Variants in CIT observed in about 807,000 individuals in gnomAD.
The protein encoded by CIT is citron rho-interacting serine/threonine kinase, also known as citron Rho-interacting kinase.
Under a neutral mutation model 272.7 loss-of-function variants are expected in CIT, and 79 were observed. That is an observed-to-expected ratio of 0.29 (90% CI 0.24 to 0.35). CIT has a LOEUF of 0.35. Among genes scored for constraint, CIT ranks in the 10% least tolerant of loss-of-function variants. The pLI is 1.00. For synonymous variants in CIT, 948 were observed against 995.6 expected (o/e 0.95, Z 0.90); for missense variants, 1,909 against 2,618.3 (o/e 0.73, Z 5.91).
chr12:119,849,779 A>G (rs1324651531), intron 5 of CIT, among the ~76,000 whole-genome samples: 2 of 150,088 alleles, frequency 1.3e-5, no homozygotes, highest in Admixed American at 6.7e-5. Flanking sequence ...TCCGCTTCCC[A>G]GGTTCAAGCG....
At chr12:119,709,604 G>C (rs1028426752) in intron 39 of CIT, among the ~76,000 whole-genome samples, 2 of 152,064 alleles carry the variant, frequency 1.3e-5, no homozygotes, top group African/African-American at 2.4e-5. Flanking sequence ...ACACTGAATC[G>C]ATATATTACT....
intron 12 of CIT, 23 bp from the exon 13 acceptor site, chr12:119,782,660 T>A: frequency 6.2e-7 from 1 of 1,613,068 alleles, no homozygotes; most frequent in Middle Eastern, 1.7e-4. Flanking sequence ...AAAATTTTAA[T>A]AGGGATGCCC....
At position 119,708,278 on chromosome 12, in the gene CIT, C is replaced by T. The variant is rs56146334; in HGVS notation, c.5112G>A (p.Val1704=). 152 of 1,605,646 alleles carry T rather than the reference C, an allele frequency of 9.5e-5. 1 individual carries two copies. The East Asian group carries it at 3.1e-3, about 32-fold the overall frequency. ...RALCLVDVKK[V]KQSLAQSHLP... ...GGTGGGACTGGGCCAGGGACTGTTT[C>T]ACTTTCTTCACGTCCACAAGACACA... The change falls in exon 40 of 48, where the codon GTG becomes GTA. Residue 1704 remains valine, a synonymous_variant. Transcript: ENST00000392521.
intron 20 of CIT, among the ~76,000 whole-genome samples, chr12:119,760,023 C>T (rs929265924): frequency 2.6e-5 from 4 of 151,852 alleles, no homozygotes; most frequent in Admixed American, 1.3e-4. Flanking sequence ...CCTGTCTCTA[C>T]TAAAAATACA....
intron 13 of CIT, among the ~76,000 whole-genome samples, chr12:119,778,027 T>C (rs1240102211): frequency 1.3e-5 from 2 of 152,226 alleles, no homozygotes; most frequent in Non-Finnish European, 2.9e-5. Flanking sequence ...TTCTCACCAT[T>C]AATTTTTCTG....
intron 9 of CIT, among the ~76,000 whole-genome samples, chr12:119,819,195 G>A (rs926363364): frequency 6.6e-6 from 1 of 152,204 alleles, no homozygotes; most frequent in Non-Finnish European, 1.5e-5. Flanking sequence ...AATCTTGTGG[G>A]AGGCTGGAAA....
chr12:119,827,984 G>T (rs1968308075), intron 7 of CIT, among the ~76,000 whole-genome samples: 1 of 152,136 alleles, frequency 6.6e-6, no homozygotes, highest in African/African-American at 2.4e-5. Context: ...GCAGTCACTT[G>T]TTCACAACCA....
Position 119,784,903 on chromosome 12 carries a change from A to C in CIT, c.1401+57T>G. ...AGCGGCCCCGGGCGGATCCCTTGGC[A>C]TATACGGACGGGAGGATCCTGGAGC... is the stretch of plus-strand genomic sequence containing the variant. On this transcript the variant is annotated intron_variant, in intron 11 of 47. Coordinates refer to ENST00000392521, the MANE Select transcript of CIT (RefSeq NM_001206999.2). The surrounding 1 kb of genome is among the most constrained non-coding windows in gnomAD (Gnocchi z 4.7). The C allele has an allele frequency of 1.2e-6, 2 of 1,600,020 alleles. No individual in the cohort carries two copies. The highest frequency in any genetic ancestry group is 1.1e-5 in the South Asian group (1 of 88,924).
chr12:119,690,460 G>C lies in CIT; in HGVS notation c.5883-6C>G, dbSNP rs758825630. 1 of 1,578,244 alleles carries C rather than the reference G, an allele frequency of 6.3e-7. No individual in the cohort carries two copies. The highest frequency in any genetic ancestry group is 1.8e-5 in the Admixed American group (1 of 54,630). ...GGCCTCGCTTGTTGGGGCTGCTGGCGACACAAGAGGAACGTAGGGAGCTGC... is the reference window on the plus strand; with the variant it reads ...GGCCTCGCTTGTTGGGGCTGCTGGCCACACAAGAGGAACGTAGGGAGCTGC... On this transcript the variant is annotated splice_polypyrimidine_tract_variant and splice_region_variant and intron_variant, in intron 46 of 47. Transcript: ENST00000392521. This position sits in a 1 kb window ranked among gnomAD's most constrained non-coding sequence, Gnocchi z 6.0.
At chr12:119,734,479 CT>C (rs1239175728) in intron 25 of CIT, 122 bp from the exon 26 acceptor site, 11 of 1,073,602 alleles carry the variant, frequency 1.0e-5, no homozygotes, top group Non-Finnish European at 1.5e-5. Flanking sequence ...TGCGGTTTGT[CT>C]TTTGCTTCTG....
At chr12:119,773,261 G>A (rs189700799) in intron 16 of CIT, among the ~76,000 whole-genome samples, 66 of 152,230 alleles carry the variant, frequency 4.3e-4, no homozygotes, top group African/African-American at 1.5e-3. Context: ...TCGATGCAAC[G>A]TAATGAATGG....
Position 119,690,431 on chromosome 12 carries a change from G to A in CIT, c.5906C>T (p.Pro1969Leu). Residue 1969 changes from proline (P) to leucine (L), a missense_variant, in exon 47 of 48, where the codon CCC (proline) becomes CTC (leucine). Physicochemically the swap from Pro to Leu is moderately conservative, Grantham distance 98. This residue lies in a region of CIT where 780 missense variants were observed against 1,067.2 expected (regional missense o/e 0.73). Transcript: ENST00000392521. This position sits in a 1 kb window ranked among gnomAD's most constrained non-coding sequence, Gnocchi z 6.0. ...CTTGGTGATGTGCTCGTTGTACGTG[G>A]GTGGGCCTCGCTTGTTGGGGCTGCT... ...SRSSPNKRGP[P>L]TYNEHITKRV... 6.3e-7 allele frequency: 1 copy of A among 1,593,260 alleles called. No individual in the cohort carries two copies. Among genetic ancestry groups the A allele is most frequent in the Non-Finnish European group, 8.5e-7 (1 of 1,176,414 alleles).
intron 32 of CIT, 38 bp from the exon 33 acceptor site, chr12:119,714,372 C>T (rs1565928283): frequency 6.2e-7 from 1 of 1,608,970 alleles, no homozygotes; most frequent in Non-Finnish European, 8.5e-7. Context: ...TAGAGTACTG[C>T]AAATGATCCC....
intron 5 of CIT, among the ~76,000 whole-genome samples, chr12:119,844,004 G>A (rs752263776): frequency 1.3e-5 from 2 of 151,262 alleles, no homozygotes; most frequent in Non-Finnish European, 2.9e-5. Flanking sequence ...TTTTAGAAAG[G>A]TAAAGTGGTA....
intron 10 of CIT, among the ~76,000 whole-genome samples, chr12:119,796,491 A>ATTCT (rs1566057619): frequency 6.6e-6 from 1 of 152,176 alleles, no homozygotes; most frequent in Non-Finnish European, 1.5e-5. Context: ...CTTGCCTAGA[A>ATTCT]GGGTAGGGAA....
rs1416499253 is a variant in CIT at position 119,728,337 on chromosome 12, T to C, written c.3591+165A>G. ...CAAATGGACACTCTGGTACAGGGTG[T>C]TGATAGCTGGGGACACTGTGGGAGG... is the stretch of plus-strand genomic sequence containing the variant. On this transcript the variant is annotated intron_variant, in intron 28 of 47. Coordinates refer to ENST00000392521, the MANE Select transcript of CIT (RefSeq NM_001206999.2). This position sits in a 1 kb window ranked among gnomAD's most constrained non-coding sequence, Gnocchi z 4.3. Among the ~76,000 whole-genome samples, 4 of 152,142 alleles carry C rather than the reference T, an allele frequency of 2.6e-5. No homozygotes were observed. Among genetic ancestry groups the C allele is most frequent in the Non-Finnish European group, 5.9e-5 (4 of 68,036 alleles).
At chr12:119,776,512 GAAT>G in intron 14 of CIT, 104 bp from the exon 15 acceptor site, 1 of 1,166,608 alleles carries the variant, frequency 8.6e-7, no homozygotes, top group Non-Finnish European at 1.2e-6. Flanking sequence ...TAGTAAATAA[GAAT>G]AATGTTATCT....
chr12:119,801,427 C>T (rs1966187540), intron 10 of CIT, among the ~76,000 whole-genome samples: 1 of 152,206 alleles, frequency 6.6e-6, no homozygotes, highest in Admixed American at 6.5e-5. Flanking sequence ...TAATCACACA[C>T]TGCTTCAGAT....
chr12:119,759,661 C>G (rs1961492157), intron 20 of CIT, among the ~76,000 whole-genome samples: 1 of 151,756 alleles, frequency 6.6e-6, no homozygotes, highest in Non-Finnish European at 1.5e-5. Context: ...CAAAACAAAA[C>G]AACAAAAAAA....
Sources: gnomAD v4.1 joint callset for allele counts (sites outside exome capture counted in the v4.1 genomes callset) on GRCh38, gnomAD v4.1.1 for gene constraint, gnomAD v4.1.1 regional missense constraint, Gnocchi (gnomAD v3.1) non-coding constraint, MANE v1.5 for transcripts, NCBI Gene and HGNC (gene_info 2026-07-23, HGNC 2026-07-21) for gene names.